SLIT3: variants seen among roughly 807,000 people sequenced by gnomAD.
SLIT3 encodes the protein slit guidance ligand 3.
SLIT3 carries 68 observed loss-of-function variants against 184.0 expected under a neutral mutation model. The ratio of observed to expected loss-of-function variants is 0.37; its 90% CI spans 0.30 to 0.45. The LOEUF is 0.45. SLIT3 is among the 20% of genes least tolerant of loss of function. The probability of loss-of-function intolerance (pLI) is 1.00; values close to 1 mark genes in which losing one functional copy is unlikely to be tolerated. For missense variants in SLIT3, 1,707 were observed against 2,026.0 expected (o/e 0.84, Z 3.02); for synonymous variants, 831 against 828.6 (o/e 1.00, Z -0.05).
At chr5:168,751,379 G>A (rs771320878) in intron 18 of SLIT3, among the ~76,000 whole-genome samples, 18 of 152,298 alleles carry the variant, frequency 1.2e-4, no homozygotes, top group East Asian at 7.7e-4. Context: ...GAAATACGAC[G>A]AGCAGCTGTA....
chr5:168,707,817 C>T (rs761545517), intron 26 of SLIT3, 159 bp downstream of exon 26: 1 of 794,956 alleles, frequency 1.3e-6, no homozygotes, highest in Non-Finnish European at 2.0e-6. Context: ...AACAGTGTTA[C>T]TGGCAAATGC....
rs558647990 is a variant in SLIT3, at chr5:169,134,850, G to A, written c.413+58629C>T. ...GTGGCATTTATTGCAGCTTGGACTA[G>A]AATTTTATATGTAGGTTTTTGTTAT... On this transcript the variant is annotated intron_variant, in intron 4 of 35. Coordinates refer to ENST00000519560, the MANE Select transcript of SLIT3 (RefSeq NM_003062.4). Among the ~76,000 whole-genome samples the A allele has an allele frequency of 2.6e-5, 4 of 152,318 alleles. No individual in the cohort carries two copies. In the South Asian group the frequency reaches 8.3e-4, roughly 32 times the overall value.
intron 1 of SLIT3, among the ~76,000 whole-genome samples, chr5:169,269,369 A>C (rs1019731782): frequency 6.6e-6 from 1 of 152,072 alleles, no homozygotes; most frequent in Non-Finnish European, 1.5e-5. Context: ...GGGCTCCTCC[A>C]CTCTCTATGG....
At chr5:169,157,421 C>T (rs1762346449) in intron 4 of SLIT3, among the ~76,000 whole-genome samples, 1 of 152,168 alleles carries the variant, frequency 6.6e-6, no homozygotes, top group Non-Finnish European at 1.5e-5. Context: ...GTGGTATCAA[C>T]AGACACCAAG....
chr5:168,731,891 A>C (rs1311270656), intron 20 of SLIT3, among the ~76,000 whole-genome samples: 1 of 152,136 alleles, frequency 6.6e-6, no homozygotes, highest in Non-Finnish European at 1.5e-5. Context: ...AATTGGAACA[A>C]GACAAGAATA....
intron 4 of SLIT3, among the ~76,000 whole-genome samples, chr5:169,045,153 C>T (rs752911212): frequency 3.0e-4 from 45 of 152,210 alleles, no homozygotes; most frequent in African/African-American, 9.2e-4. Flanking sequence ...CAACAGAAGA[C>T]GACAATGCAT....
chr5:169,093,499 T>C (rs1006104183), intron 4 of SLIT3, among the ~76,000 whole-genome samples: 8 of 152,134 alleles, frequency 5.3e-5, no homozygotes, highest in Non-Finnish European at 1.0e-4. Context: ...CAGAAGCTGA[T>C]TGGCCCAGGT....
chr5:169,217,953 A>G (rs1274663102), intron 3 of SLIT3, among the ~76,000 whole-genome samples: 1 of 152,216 alleles, frequency 6.6e-6, no homozygotes, highest in African/African-American at 2.4e-5. Context: ...GTTGCACAGA[A>G]AGCAAGACCT....
At chr5:168,862,450 GT>G (rs1369507846) in intron 5 of SLIT3, among the ~76,000 whole-genome samples, 1 of 152,160 alleles carries the variant, frequency 6.6e-6, no homozygotes, top group Non-Finnish European at 1.5e-5. Context: ...AAAACTCCTT[GT>G]GTTTCAATTC....
chr5:169,124,532 G>C (rs968142554), intron 4 of SLIT3, among the ~76,000 whole-genome samples: 1 of 151,996 alleles, frequency 6.6e-6, no homozygotes, highest in African/African-American at 2.4e-5. Context: ...TTCTAAACTA[G>C]GTGCTGGTGC....
intron 8 of SLIT3, among the ~76,000 whole-genome samples, chr5:168,808,072 C>T (rs895857488): frequency 6.6e-6 from 1 of 152,076 alleles, no homozygotes; most frequent in Admixed American, 6.5e-5. Flanking sequence ...AAAAAATGGC[C>T]TCATAGTGGG....
At chr5:169,050,470 C>T (rs1371473346) in intron 4 of SLIT3, among the ~76,000 whole-genome samples, 9 of 152,178 alleles carry the variant, frequency 5.9e-5, no homozygotes, top group Non-Finnish European at 1.2e-4. Context: ...TTCTTTGCCA[C>T]GATTGGGTCT....
chr5:168,692,740 G>A lies in SLIT3; in HGVS notation c.3083-40C>T, dbSNP rs574106109. 1.4e-6 allele frequency: 2 copies of A among 1,474,464 alleles called. 1 individual carries two copies. The highest frequency in any genetic ancestry group is 2.3e-5 in the South Asian group (2 of 87,778). The allele number at this position is 1,474,464 out of a possible 1,614,324, so 91.3% of individuals were successfully genotyped here. ...GGAGATAGCTCAGGCCTCAGGCAGGGTAGGGATGCCCTGGCCAGAAGATCA... is the reference window on the plus strand; with the variant it reads ...GGAGATAGCTCAGGCCTCAGGCAGGATAGGGATGCCCTGGCCAGAAGATCA... On this transcript the variant is annotated intron_variant, in intron 28 of 35. Transcript: ENST00000519560.
chr5:169,073,806 A>G (rs1339391479), intron 4 of SLIT3, among the ~76,000 whole-genome samples: 1 of 152,154 alleles, frequency 6.6e-6, no homozygotes, highest in Non-Finnish European at 1.5e-5. Context: ...GGCCCTCACC[A>G]AAAGCAGATG....
chr5:168,756,287 G>A (rs1385595998), intron 16 of SLIT3, among the ~76,000 whole-genome samples: 1 of 152,218 alleles, frequency 6.6e-6, no homozygotes, highest in Admixed American at 6.5e-5. Flanking sequence ...ATGCCAGGGG[G>A]CGAGAACTCC....
At chr5:169,212,105 A>G (rs1021639855) in intron 3 of SLIT3, among the ~76,000 whole-genome samples, 1 of 152,236 alleles carries the variant, frequency 6.6e-6, no homozygotes, top group African/African-American at 2.4e-5. Flanking sequence ...TCTTTATAGT[A>G]GAATGATTTA....
chr5:169,043,396 G>A (rs1172578168), intron 4 of SLIT3, among the ~76,000 whole-genome samples: 1 of 152,196 alleles, frequency 6.6e-6, no homozygotes, highest in Non-Finnish European at 1.5e-5. Context: ...TGAGTTGGTA[G>A]TTTCACTGTT....
chr5:169,007,734 A>T (rs1386071333), intron 4 of SLIT3, among the ~76,000 whole-genome samples: 2 of 152,238 alleles, frequency 1.3e-5, no homozygotes, highest in African/African-American at 2.4e-5. Flanking sequence ...AGTAATCAGA[A>T]CTAAAGATGG....
intron 20 of SLIT3, among the ~76,000 whole-genome samples, chr5:168,746,765 T>G (rs1420482634): frequency 1.1e-5 from 1 of 92,102 alleles, no homozygotes; most frequent in Non-Finnish European, 2.2e-5. Context: ...TGGCGGTGTG[T>G]GGTGGTGTGT....
Sources: allele counts gnomAD v4.1 joint callset (sites outside exome capture counted in the v4.1 genomes callset), GRCh38; gene constraint gnomAD v4.1.1; transcripts MANE v1.5; gene names NCBI Gene and HGNC (gene_info 2026-07-23, HGNC 2026-07-21).